IL1RAPL2: variants seen among roughly 807,000 people sequenced by gnomAD.
IL1RAPL2 encodes X-linked interleukin-1 receptor accessory protein-like 2.
Under a neutral mutation model 44.1 loss-of-function variants are expected in IL1RAPL2, and 3 were observed. The ratio of observed to expected loss-of-function variants is 0.07; its 90% CI spans 0.03 to 0.18. The LOEUF (loss-of-function observed/expected upper bound fraction) is 0.18, where lower values mean the gene tolerates loss of function less well. Among genes scored for constraint, IL1RAPL2 ranks in the 10% least tolerant of loss-of-function variants. The pLI is 1.00. For missense variants in IL1RAPL2, 391 were observed against 496.4 expected, an observed-to-expected ratio of 0.79 and a Z score of 2.02; for synonymous variants, 181 against 178.8, an observed-to-expected ratio of 1.01 and a Z score of -0.10.
chrX:105,117,965 C>G (rs1230343404), intron 2 of IL1RAPL2, among the ~76,000 whole-genome samples: 1 of 111,730 alleles, frequency 9.0e-6, no homozygotes, highest in Non-Finnish European at 1.9e-5. Flanking sequence ...AGTACAGTGA[C>G]CCACTTTCTA....
chrX:105,750,864 G>GAA (rs5903270), intron 9 of IL1RAPL2, among the ~76,000 whole-genome samples: 1 of 108,159 alleles, frequency 9.2e-6, no homozygotes, highest in African/African-American at 3.4e-5. Context: ...TCTGTACACA[G>GAA]AAAAAAAAAC....
intron 4 of IL1RAPL2, among the ~76,000 whole-genome samples, chrX:105,248,965 C>T (rs1274187384): frequency 9.0e-6 from 1 of 111,047 alleles, no homozygotes; most frequent in Non-Finnish European, 1.9e-5. Context: ...AATTGAGCTA[C>T]CATATGATCT....
rs782185274 is a variant in IL1RAPL2 at position 105,217,706 on chromosome X, T to C, written c.357-16112T>C. On this transcript the variant is annotated intron_variant, in intron 3 of 10. Transcript: ENST00000372582. ...CAAAGACTTGGAACCAACCCAAATG[T>C]CCAACAATGATAGACTGGATTAAGA... Among the ~76,000 whole-genome samples, 3 of 111,971 alleles carry C rather than the reference T, an allele frequency of 2.7e-5. No individual in the cohort carries two copies. In the East Asian group the frequency reaches 8.5e-4, roughly 32 times the overall value.
chrX:105,590,762 T>C, intron 6 of IL1RAPL2, among the ~76,000 whole-genome samples: 1 of 110,171 alleles, frequency 9.1e-6, no homozygotes, highest in South Asian at 4.0e-4. Flanking sequence ...TCAGTTTCCT[T>C]GTTGAAAATG....
chrX:105,620,371 T>G (rs2037410946), intron 6 of IL1RAPL2, among the ~76,000 whole-genome samples: 1 of 111,215 alleles, frequency 9.0e-6, no homozygotes, highest in Non-Finnish European at 1.9e-5. Flanking sequence ...GGAGTTGATT[T>G]CCTCCACGTT....
intron 3 of IL1RAPL2, chrX:105,218,850 T>A: frequency 7.4e-5 from 47 of 637,256 alleles, no homozygotes; most frequent in East Asian, 1.7e-4. Flanking sequence ...CTTCCCCCAC[T>A]CTTCCCAGCC....
chrX:105,291,220 A>G (rs757457473), intron 5 of IL1RAPL2, among the ~76,000 whole-genome samples: 1 of 112,159 alleles, frequency 8.9e-6, no homozygotes, highest in South Asian at 3.7e-4. Flanking sequence ...CAGGACAGAT[A>G]TATTAGAGAT....
intron 5 of IL1RAPL2, among the ~76,000 whole-genome samples, chrX:105,421,807 C>A (rs1053055543): frequency 1.8e-5 from 2 of 111,650 alleles, no homozygotes; most frequent in Non-Finnish European, 3.8e-5. Flanking sequence ...GTTCACAGGG[C>A]TTTACAAAAG....
At chrX:104,929,072 C>T (rs1924839254) in intron 2 of IL1RAPL2, among the ~76,000 whole-genome samples, 1 of 111,464 alleles carries the variant, frequency 9.0e-6, no homozygotes, top group Non-Finnish European at 1.9e-5. Flanking sequence ...CCCAAGTTGA[C>T]TTGTATGCAA....
Position 105,078,599 on chromosome X carries a change from G to T in IL1RAPL2, c.83-116876G>T, listed in dbSNP as rs2032349496. Among the ~76,000 whole-genome samples the T allele has an allele frequency of 2.7e-5, 3 of 112,614 alleles. No individual in the cohort carries two copies. In the South Asian group the frequency reaches 1.1e-3, roughly 41 times the overall value. On this transcript the variant is annotated intron_variant, in intron 2 of 10. Transcript: ENST00000372582. ...ATTTAAGACTGCAGACGTTATTGCT[G>T]TCTTTTGTTTGTCTGTGCCCTGCCC...
At chrX:105,582,645 A>G (rs2037096916) in intron 6 of IL1RAPL2, among the ~76,000 whole-genome samples, 1 of 109,889 alleles carries the variant, frequency 9.1e-6, no homozygotes, top group African/African-American at 3.3e-5. Flanking sequence ...GATTTTTTAT[A>G]TATGCCATTT....
At chrX:105,680,647 T>G (rs1055564739) in intron 6 of IL1RAPL2, among the ~76,000 whole-genome samples, 17 of 112,197 alleles carry the variant, frequency 1.5e-4, no homozygotes, top group Admixed American at 2.8e-4. Flanking sequence ...CGATAAGAGT[T>G]TCTGAATTCT....
chrX:104,843,612 A>G (rs1292202747), intron 2 of IL1RAPL2, among the ~76,000 whole-genome samples: 1 of 110,183 alleles, frequency 9.1e-6, no homozygotes. Context: ...GGCTGGCAGC[A>G]CAGTCCCTCA....
Position 105,239,727 on chromosome X carries a change from C to CTAA in IL1RAPL2, c.543+5723_543+5724insTAA, listed in dbSNP as rs782564033. 2.7e-5 allele frequency among the ~76,000 whole-genome samples: 3 copies of CTAA among 110,396 alleles called. No homozygotes were observed. The East Asian group carries it at 8.6e-4, about 31-fold the overall frequency. On this transcript the variant is annotated intron_variant, in intron 4 of 10. Transcript: ENST00000372582. ...GATTATAAGCCCAAGGTTCAATGTC[C>CTAA]CTTAGCTTTGCTGCAGTGTGGATGG...
intron 6 of IL1RAPL2, among the ~76,000 whole-genome samples, chrX:105,641,726 T>C (rs148251576): frequency 2.1e-4 from 24 of 112,202 alleles, no homozygotes; most frequent in African/African-American, 7.4e-4. Context: ...AATTAGAAGA[T>C]AGTTACATCA....
chrX:104,587,058 G>A (rs1928575756), intron 1 of IL1RAPL2, among the ~76,000 whole-genome samples: 1 of 111,181 alleles, frequency 9.0e-6, no homozygotes, highest in Non-Finnish European at 1.9e-5. Context: ...TAAGATGTAG[G>A]TGCCCTAAAA....
Position 105,682,469 on chromosome X carries a change from T to C in IL1RAPL2, c.773-34898T>C, listed in dbSNP as rs1180801418. ...AGTAGCAAAGTTGTAACCAAGTTAATATTTTTTAAAATAACTGAAATTATG... is the reference window on the plus strand; with the variant it reads ...AGTAGCAAAGTTGTAACCAAGTTAACATTTTTTAAAATAACTGAAATTATG... On this transcript the variant is annotated intron_variant, in intron 6 of 10. Transcript: ENST00000372582. Among the ~76,000 whole-genome samples, 4 of 111,735 alleles carry C rather than the reference T, an allele frequency of 3.6e-5. No individual in the cohort carries two copies. In the Admixed American group the frequency reaches 3.8e-4, roughly 11 times the overall value.
At chrX:105,689,408 G>A (rs2038015616) in intron 6 of IL1RAPL2, among the ~76,000 whole-genome samples, 1 of 111,963 alleles carries the variant, frequency 8.9e-6, no homozygotes, top group Non-Finnish European at 1.9e-5. Context: ...AGTGGACAAA[G>A]GATATGAACA....
At chrX:105,727,401 A>G (rs2038361132) in intron 7 of IL1RAPL2, among the ~76,000 whole-genome samples, 1 of 111,453 alleles carries the variant, frequency 9.0e-6, no homozygotes, top group South Asian at 3.7e-4. Context: ...TGCTTATTTT[A>G]GTTTATGATC....
Sources: gnomAD v4.1 joint callset for allele counts (sites outside exome capture counted in the v4.1 genomes callset) on GRCh38, gnomAD v4.1.1 for gene constraint, MANE v1.5 for transcripts, NCBI Gene and HGNC (gene_info 2026-07-23, HGNC 2026-07-21) for gene names.